The following NUP93 variants were observed in gnomAD, a reference collection of about 807,000 sequenced individuals.
NUP93 encodes nuclear pore complex protein Nup93.
Under a neutral mutation model 107.8 loss-of-function variants are expected in NUP93, and 55 were observed. The observed-to-expected ratio is 0.51, with a 90% CI of 0.41 to 0.64. The LOEUF (loss-of-function observed/expected upper bound fraction) is 0.64. NUP93 is among the 30% of genes least tolerant of loss of function. The pLI is 0.00. For synonymous variants in NUP93, 390 were observed against 397.5 expected, an observed-to-expected ratio of 0.98 and a Z score of 0.22; for missense variants, 937 against 1,044.7, an observed-to-expected ratio of 0.90 and a Z score of 1.42.
At chr16:56,753,117 G>A (rs1441003660) in intron 2 of NUP93, among the ~76,000 whole-genome samples, 1 of 152,146 alleles carries the variant, frequency 6.6e-6, no homozygotes, top group Non-Finnish European at 1.5e-5. Context: ...GAATACTAGA[G>A]AACCAACTCA....
intron 3 of NUP93, among the ~76,000 whole-genome samples, chr16:56,792,217 G>A (rs1482871380): frequency 1.3e-5 from 2 of 152,072 alleles, no homozygotes; most frequent in African/African-American, 4.8e-5. Flanking sequence ...CAAAAAACTG[G>A]TTGATTTCAT....
rs908131101 is a variant in NUP93 at position 56,833,232 on chromosome 16, G to A, written c.1363G>A (p.Val455Met). Residue 455 changes from valine to methionine, a missense_variant, in exon 13 of 22, where the codon GTG (valine) becomes ATG (methionine). Physicochemically the swap from Val to Met is conservative, Grantham distance 21 (BLOSUM62 1). Transcript: ENST00000308159. The part of the protein sequence containing the change: ...LEDYGESHFT[V>M]NQQPFLYFQV... Reference sequence around the variant, plus strand: ...TCTCCCAGGCGAGTCCCACTTTACGGTGAACCAGCAACCCTTCCTCTACTT... The same window carrying A: ...TCTCCCAGGCGAGTCCCACTTTACGATGAACCAGCAACCCTTCCTCTACTT... 6 of 1,597,404 alleles carry A rather than the reference G, an allele frequency of 3.8e-6. No individual in the cohort carries two copies. Among genetic ancestry groups the A allele is most frequent in the African/African-American group, 1.4e-5 (1 of 73,846 alleles).
At chr16:56,758,057 TGACA>T (rs1206188290) in intron 2 of NUP93, among the ~76,000 whole-genome samples, 2 of 145,954 alleles carry the variant, frequency 1.4e-5, no homozygotes, top group East Asian at 4.1e-4. Context: ...GACGACAGAG[TGACA>T]CTCTGTCTCA....
intron 2 of NUP93, among the ~76,000 whole-genome samples, chr16:56,748,962 C>T (rs909545771): frequency 6.6e-6 from 1 of 152,208 alleles, no homozygotes; most frequent in East Asian, 1.9e-4. Flanking sequence ...AAATACAGTG[C>T]CCCCAGCTGA....
chr16:56,746,542 T>G (rs1961823495), intron 1 of NUP93, among the ~76,000 whole-genome samples: 1 of 152,248 alleles, frequency 6.6e-6, no homozygotes, highest in Non-Finnish European at 1.5e-5. Flanking sequence ...AATACCAAAG[T>G]GTCTTTATGT....
chr16:56,770,478 A>G (rs1962298863), intron 3 of NUP93, among the ~76,000 whole-genome samples: 1 of 152,136 alleles, frequency 6.6e-6, no homozygotes, highest in Non-Finnish European at 1.5e-5. Context: ...TTTGAGAGTA[A>G]ATGAGAACCG....
At position 56,832,060 on chromosome 16, in the gene NUP93, A is replaced by G. The variant is rs532114898; in HGVS notation, c.1251+53A>G. ...GGGCTTTACCCCTTTTCTGTGCTCA[A>G]GTCCCCGCAAAGATTTTACCTGCTT... On this transcript the variant is annotated intron_variant, in intron 11 of 21. Coordinates refer to ENST00000308159, the MANE Select transcript of NUP93 (RefSeq NM_014669.5). The G allele has an allele frequency of 6.9e-6, 11 of 1,599,126 alleles. No individual in the cohort carries two copies. In the East Asian group the frequency reaches 2.5e-4, roughly 36 times the overall value.
chr16:56,837,678 A>C lies in NUP93; in HGVS notation c.1970A>C (p.Gln657Pro). Residue 657 changes from glutamine to proline, a missense_variant, in exon 18 of 22, where the codon CAA becomes CCA. Transcript: ENST00000308159. ...GTCGTCCCCCAGATCAGTGCCCCGCAATCCAACAAGGAGAGGCTGAAGAAC... is the reference window on the plus strand; with the variant it reads ...GTCGTCCCCCAGATCAGTGCCCCGCCATCCAACAAGGAGAGGCTGAAGAAC... Reference protein sequence around the residue: ...SPVVPQISAPQSNKERLKNMA... With the variant: ...SPVVPQISAPPSNKERLKNMA... The C allele has an allele frequency of 1.2e-6, 2 of 1,614,204 alleles. No individual in the cohort carries two copies. The highest frequency in any genetic ancestry group is 2.2e-5 in the East Asian group (1 of 44,890).
intron 1 of NUP93, among the ~76,000 whole-genome samples, chr16:56,744,798 C>T (rs1470445978): frequency 6.6e-6 from 1 of 152,186 alleles, no homozygotes; most frequent in Non-Finnish European, 1.5e-5. Context: ...CTGCCTTATG[C>T]TGTGCTGCCT....
chr16:56,733,471 T>C (rs1320618924), intron 1 of NUP93, among the ~76,000 whole-genome samples: 1 of 152,074 alleles, frequency 6.6e-6, no homozygotes, highest in Non-Finnish European at 1.5e-5. Context: ...AAAGGGGCGC[T>C]GGGGTGACTT....
In NUP93 at chr16:56,848,390, T is replaced by C. The variant is rs2144661727; in HGVS notation, c.*3781T>C. ...ATTCTTGATGGAAATGTGTGTTTTA[T>C]ATCAGAATTGAGCTTTTGTTCCTGC... On this transcript the variant is annotated 3_prime_UTR_variant, in exon 22 of 22. Transcript: ENST00000308159. 1.3e-5 allele frequency: 2 copies of C among 152,380 alleles called. No individual in the cohort carries two copies. Among genetic ancestry groups the C allele is most frequent in the South Asian group, 2.1e-4 (1 of 4,832 alleles). The allele number at this position is 152,380 out of a possible 1,614,324, so 9.4% of individuals were successfully genotyped here.
Position 56,834,243 on chromosome 16 carries a change from C to G in NUP93, c.1653C>G (p.Phe551Leu). ...ACCCAAGGGAGGCCCTCCAGTACTT[C>G]TATTTCCTCAGGTAACATTTGCTTT... is the stretch of plus-strand genomic sequence containing the variant. ...STDPREALQY[F>L]YFLRDEKDSQ... Residue 551 changes from phenylalanine to leucine, a missense_variant, in exon 14 of 22, where the codon TTC (phenylalanine) becomes TTG (leucine). Phe to Leu is a conservative substitution (Grantham distance 22). Transcript: ENST00000308159. 1 of 1,614,136 alleles carries G rather than the reference C, an allele frequency of 6.2e-7. No homozygotes were observed.
chr16:56,734,199 G>C (rs140126769), intron 1 of NUP93, among the ~76,000 whole-genome samples: 1 of 152,216 alleles, frequency 6.6e-6, no homozygotes, highest in Non-Finnish European at 1.5e-5. Flanking sequence ...GGACGGTGGG[G>C]CTGCTTTAGC....
intron 5 of NUP93, among the ~76,000 whole-genome samples, chr16:56,815,405 G>A (rs1207587320): frequency 6.6e-6 from 1 of 152,148 alleles, no homozygotes; most frequent in African/African-American, 2.4e-5. Flanking sequence ...GAGTCCAGAA[G>A]TATAAAATGC....
At chr16:56,762,681 A>G (rs1034132492) in intron 3 of NUP93, among the ~76,000 whole-genome samples, 1 of 152,206 alleles carries the variant, frequency 6.6e-6, no homozygotes, top group Admixed American at 6.5e-5. Flanking sequence ...AAAGTACTGC[A>G]AACTTGGTGG....
chr16:56,808,137 T>TAGTTATATAACTATATAAAATATATAG lies in NUP93; in HGVS notation c.489+2505_489+2506insAGTTATATAACTATATAAAATATATAG, dbSNP rs368835003. On this transcript the variant is annotated intron_variant, in intron 5 of 21. Coordinates refer to ENST00000308159, the MANE Select transcript of NUP93 (RefSeq NM_014669.5). Reference sequence around the variant, plus strand: ...TATATTATATAACTATATAAATATATTTATATAACTATATATAATATATAG... The same window carrying TAGTTATATAACTATATAAAATATATAG: ...TATATTATATAACTATATAAATATATAGTTATATAACTATATAAAATATATAGTTATATAACTATATATAATATATAG... Among the ~76,000 whole-genome samples the TAGTTATATAACTATATAAAATATATAG allele has an allele frequency of 3.3e-4, 18 of 54,674 alleles. 2 individuals carry two copies. Among genetic ancestry groups the TAGTTATATAACTATATAAAATATATAG allele is most frequent in the South Asian group, 1.2e-3 (2 of 1,724 alleles). 35.9% of individuals were successfully genotyped at this position (54,674 alleles called of 152,430 possible).
At chr16:56,757,486 C>T (rs1596775143) in intron 2 of NUP93, among the ~76,000 whole-genome samples, 1 of 152,042 alleles carries the variant, frequency 6.6e-6, no homozygotes, top group African/African-American at 2.4e-5. Context: ...TAGACCCGAC[C>T]CGACCTGACC....
chr16:56,817,797 A>G (rs1360287449), intron 5 of NUP93, among the ~76,000 whole-genome samples: 5 of 152,312 alleles, frequency 3.3e-5, no homozygotes, highest in African/African-American at 4.8e-5. Flanking sequence ...ACAGTTGCCT[A>G]CAGTATCCAG....
chr16:56,778,076 A>G lies in NUP93; in HGVS notation c.297+19421A>G, dbSNP rs142354403. Among the ~76,000 whole-genome samples, 108 of 152,342 alleles carry G rather than the reference A, an allele frequency of 7.1e-4. 2 individuals carry two copies. The East Asian group carries it at 0.019, about 27-fold the overall frequency. On this transcript the variant is annotated intron_variant, in intron 3 of 21. Coordinates refer to ENST00000308159, the MANE Select transcript of NUP93 (RefSeq NM_014669.5). ...CCAACACCGACATTCCTGCAAGATC[A>G]AACTGTCCAAGCTGTGAAAAGTGAC...
Sources: allele counts gnomAD v4.1 joint callset (sites outside exome capture counted in the v4.1 genomes callset), GRCh38; gene constraint gnomAD v4.1.1; transcripts MANE v1.5; gene names NCBI Gene and HGNC (gene_info 2026-07-23, HGNC 2026-07-21).